Variants in TSHZ2 observed in about 807,000 individuals in gnomAD.
TSHZ2 encodes the protein teashirt zinc finger homeobox 2, also known as teashirt homolog 2.
Under a neutral mutation model 74.4 loss-of-function variants are expected in TSHZ2, and 21 were observed. The ratio of observed to expected loss-of-function variants is 0.28; its 90% CI spans 0.20 to 0.41. TSHZ2 has a LOEUF of 0.41. TSHZ2 is among the 10% of genes least tolerant of loss of function. TSHZ2 has a pLI of 1.00. For synonymous variants in TSHZ2, 540 were observed against 515.3 expected (o/e 1.05, Z -0.65); for missense variants, 1,244 against 1,293.5 (o/e 0.96, Z 0.59).
At position 53,316,219 on chromosome 20, in the gene TSHZ2, C is replaced by T. The variant is rs147939240; in HGVS notation, c.*8+59648C>T. Among the ~76,000 whole-genome samples, 36 of 152,268 alleles carry T rather than the reference C, an allele frequency of 2.4e-4. No individual in the cohort carries two copies. In the East Asian group the frequency reaches 4.6e-3, roughly 20 times the overall value. ...ATCCCCACTCACAAAGAGGCACAAA[C>T]GGAAATCTCACTCATCACTTGGTTC... On this transcript the variant is annotated intron_variant, in intron 2 of 2. Coordinates refer to ENST00000371497, the MANE Select transcript of TSHZ2 (RefSeq NM_173485.6).
intron 2 of TSHZ2, among the ~76,000 whole-genome samples, chr20:53,278,704 C>T (rs1990992324): frequency 6.6e-6 from 1 of 152,206 alleles, no homozygotes; most frequent in South Asian, 2.1e-4. Flanking sequence ...TCAACTTAAA[C>T]ATCATCTTCT....
chr20:53,280,637 G>GTTTT, intron 2 of TSHZ2, among the ~76,000 whole-genome samples: 1 of 144,706 alleles, frequency 6.9e-6, no homozygotes, highest in South Asian at 2.2e-4. Flanking sequence ...TCAACAAGTC[G>GTTTT]TTTTTTTGTT....
chr20:53,120,435 T>C (rs1386816859), intron 1 of TSHZ2, among the ~76,000 whole-genome samples: 1 of 152,170 alleles, frequency 6.6e-6, no homozygotes, highest in Non-Finnish European at 1.5e-5. Flanking sequence ...ATGAAAGTTC[T>C]GTGACAAGAA....
chr20:53,457,208 G>T (rs200017543), intron 2 of TSHZ2, among the ~76,000 whole-genome samples: 31 of 145,430 alleles, frequency 2.1e-4, no homozygotes, highest in Non-Finnish European at 3.0e-4. Flanking sequence ...TGTTCTTCCA[G>T]TTGTTTGTAT....
intron 2 of TSHZ2, among the ~76,000 whole-genome samples, chr20:53,412,231 A>G (rs1228601553): frequency 6.6e-6 from 1 of 152,148 alleles, no homozygotes; most frequent in Non-Finnish European, 1.5e-5. Flanking sequence ...GAAGGGCTCG[A>G]TTCTTCTCTA....
At chr20:53,168,277 C>T (rs565046972) in intron 1 of TSHZ2, among the ~76,000 whole-genome samples, 119 of 152,288 alleles carry the variant, frequency 7.8e-4, no homozygotes, top group Non-Finnish European at 1.3e-3. Flanking sequence ...TAGCACCTCA[C>T]CCCAGGCTGT....
intron 1 of TSHZ2, among the ~76,000 whole-genome samples, chr20:53,159,656 A>G (rs1156414264): frequency 6.6e-6 from 1 of 152,192 alleles, no homozygotes; most frequent in Non-Finnish European, 1.5e-5. Context: ...AGGAGTTAAA[A>G]AAAAAAAACA....
chr20:53,031,375 C>T (rs532604933), intron 1 of TSHZ2, among the ~76,000 whole-genome samples: 14 of 151,990 alleles, frequency 9.2e-5, no homozygotes, highest in South Asian at 2.1e-4. Flanking sequence ...TTGTCAATAA[C>T]AAAAAAGGGA....
chr20:53,046,054 G>A lies in TSHZ2; in HGVS notation c.40+72721G>A, dbSNP rs1353553041. On this transcript the variant is annotated intron_variant, in intron 1 of 2. Coordinates refer to ENST00000371497, the MANE Select transcript of TSHZ2 (RefSeq NM_173485.6). ...ACATTCTGTGACTCCAAGATCCAAG[G>A]AGGGCCCCCAGATTCCTTCTTGAGC... Among the ~76,000 whole-genome samples the A allele has an allele frequency of 3.3e-5, 5 of 152,144 alleles. 1 individual carries two copies. The highest frequency in any genetic ancestry group is 4.8e-5 in the African/African-American group (2 of 41,426).
chr20:53,038,946 G>C (rs776884185), intron 1 of TSHZ2, among the ~76,000 whole-genome samples: 8 of 150,790 alleles, frequency 5.3e-5, no homozygotes, highest in African/African-American at 7.4e-5. Flanking sequence ...GCCCAGGCTG[G>C]AGTGCAATGG....
At chr20:53,066,761 C>T (rs141979616) in intron 1 of TSHZ2, among the ~76,000 whole-genome samples, 2 of 152,342 alleles carry the variant, frequency 1.3e-5, no homozygotes, top group African/African-American at 4.8e-5. Context: ...CCGCCTCGGC[C>T]TCCCAAAGTG....
chr20:53,469,268 A>G (rs1036657489), intron 2 of TSHZ2, among the ~76,000 whole-genome samples: 2 of 151,548 alleles, frequency 1.3e-5, no homozygotes, highest in Non-Finnish European at 2.9e-5. Flanking sequence ...TCATGGCCAG[A>G]TGCAGTGGAT....
intron 1 of TSHZ2, among the ~76,000 whole-genome samples, chr20:53,177,935 T>C (rs1304769850): frequency 2.0e-5 from 3 of 152,186 alleles, no homozygotes; most frequent in African/African-American, 4.8e-5. Context: ...TTTGGCTCTT[T>C]GCACAGTGCC....
chr20:53,315,550 G>A (rs972153935), intron 2 of TSHZ2, among the ~76,000 whole-genome samples: 6 of 152,156 alleles, frequency 3.9e-5, no homozygotes, highest in Non-Finnish European at 7.3e-5. Context: ...AAATAACTGC[G>A]ATATTCTATG....
At chr20:53,162,689 A>G (rs961620365) in intron 1 of TSHZ2, among the ~76,000 whole-genome samples, 2 of 152,168 alleles carry the variant, frequency 1.3e-5, no homozygotes, top group African/African-American at 4.8e-5. Flanking sequence ...GGGGTGTTGC[A>G]TGGGAAAGGA....
At position 53,253,704 on chromosome 20, in the gene TSHZ2, G is replaced by A. The variant is rs377379554; in HGVS notation, c.246G>A (p.Glu82=). Residue 82 remains glutamate (E), a synonymous_variant, in exon 2 of 3, where the codon GAG becomes GAA. Coordinates refer to ENST00000371497, the MANE Select transcript of TSHZ2 (RefSeq NM_173485.6). ...TGTCCAATCAGGATGCCGAGAACGA[G>A]TCTCTGCTGAGTGACGCCAGTGATC... ...SHLSNQDAEN[E]SLLSDASDQV... 1.4e-4 allele frequency: 219 copies of A among 1,614,196 alleles called. No individual in the cohort carries two copies. In the South Asian group the frequency reaches 1.8e-3, roughly 13 times the overall value.
chr20:53,095,496 A>G (rs924164415), intron 1 of TSHZ2, among the ~76,000 whole-genome samples: 40 of 152,214 alleles, frequency 2.6e-4, no homozygotes, highest in African/African-American at 8.9e-4. Context: ...TCTCAAAGCA[A>G]GATGATAAGA....
chr20:53,102,802 T>G lies in TSHZ2; in HGVS notation c.40+129469T>G, dbSNP rs753805452. On this transcript the variant is annotated intron_variant, in intron 1 of 2. Transcript: ENST00000371497. ...AGCTCATGTAGTTTAGGAGAGGGCA[T>G]TGTTTTTCAAATTGTGGATCAAGGC... Among the ~76,000 whole-genome samples the G allele has an allele frequency of 2.0e-5, 3 of 152,198 alleles. No individual in the cohort carries two copies. In the East Asian group the frequency reaches 5.8e-4, roughly 29 times the overall value.
intron 2 of TSHZ2, among the ~76,000 whole-genome samples, chr20:53,346,203 G>A (rs1182108271): frequency 6.6e-6 from 1 of 152,162 alleles, no homozygotes; most frequent in East Asian, 1.9e-4. Flanking sequence ...TGAGCGCTGC[G>A]ATGATTTTGA....
Sources: allele counts gnomAD v4.1 joint callset (sites outside exome capture counted in the v4.1 genomes callset), GRCh38; gene constraint gnomAD v4.1.1; transcripts MANE v1.5; gene names NCBI Gene and HGNC (gene_info 2026-07-23, HGNC 2026-07-21).